The following KCNT1 variants were observed in gnomAD, a reference collection of about 807,000 sequenced individuals.
KCNT1 encodes potassium sodium-activated channel subfamily T member 1, also known as potassium channel subfamily T member 1.
A neutral mutation model predicts 147.8 loss-of-function variants in KCNT1; 78 were observed. The observed-to-expected ratio is 0.53, with a 90% confidence interval of 0.44 to 0.64. The LOEUF (loss-of-function observed/expected upper bound fraction) is 0.64. KCNT1 is among the 30% of genes least tolerant of loss of function. KCNT1 has a pLI of 0.00. For synonymous variants in KCNT1, 867 were observed against 748.8 expected (o/e 1.16, Z -2.58); for missense variants, 1,419 against 1,750.3 (o/e 0.81, Z 3.38).
In KCNT1 at chr9:135,752,599, GGATGGATGGTTGGATGGATGGTGGAT is replaced by G. The variant is rs1368463275; in HGVS notation, c.435-1328_435-1303del. The G allele has an allele frequency of 5.4e-5, 19 of 352,772 alleles. No homozygotes were observed. The highest frequency in any genetic ancestry group is 1.0e-3 in the Middle Eastern group (1 of 996). 21.9% of individuals were successfully genotyped at this position (352,772 alleles called of 1,614,324 possible). A position where few individuals can be genotyped will look rare whatever the true frequency, so the allele number is the denominator to read the frequency against. On this transcript the variant is annotated intron_variant, in intron 4 of 30. Transcript: ENST00000371757. The surrounding 1 kb of genome is among the most constrained non-coding windows in gnomAD (Gnocchi z 5.1). ...GGGGGTGGGAAGATGGGTGGATGAT[GGATGGATGGTTGGATGGATGGTGGAT>G]GATGGATGGATGGACGGACGGACGG...
rs543077299 is a variant in KCNT1 at position 135,747,902 on chromosome 9, C to G, written c.255-2196C>G. 1.2e-3 allele frequency among the ~76,000 whole-genome samples: 179 copies of G among 152,298 alleles called. 1 individual carries two copies. The highest frequency in any genetic ancestry group is 3.8e-3 in the Admixed American group (58 of 15,302). ...GGGCAAGGGCACCCAGAGCCACACG[C>G]CTCTTCCTGGACCCTGGACCCTTCT... is the stretch of plus-strand genomic sequence containing the variant. On this transcript the variant is annotated intron_variant, in intron 2 of 30. Coordinates refer to ENST00000371757, the MANE Select transcript of KCNT1 (RefSeq NM_020822.3).
chr9:135,779,348 G>A lies in KCNT1; in HGVS notation c.2730-11G>A, dbSNP rs777417479. On this transcript the variant is annotated splice_polypyrimidine_tract_variant and intron_variant, in intron 23 of 30. Coordinates refer to ENST00000371757, the MANE Select transcript of KCNT1 (RefSeq NM_020822.3). The stretch of plus-strand genomic sequence containing the variant: ...CCATGGGCCCCGCCCTGAGCCGCCT[G>A]CCTCCCCCAGGCTCTTCCCCAGCCT... 5.6e-6 allele frequency: 9 copies of A among 1,596,910 alleles called. No homozygotes were observed. The South Asian group carries it at 9.9e-5, about 18-fold the overall frequency.
chr9:135,761,451 G>T (rs1831906933), intron 11 of KCNT1, among the ~76,000 whole-genome samples: 2 of 152,324 alleles, frequency 1.3e-5, no homozygotes, highest in South Asian at 4.1e-4. Context: ...AGTGTGGGGG[G>T]CACTCCGTGC....
chr9:135,740,956 C>T (rs1006886436), intron 2 of KCNT1, among the ~76,000 whole-genome samples: 3 of 152,078 alleles, frequency 2.0e-5, no homozygotes, highest in Non-Finnish European at 2.9e-5. Context: ...TTTGTGCAGC[C>T]GACAGACCTT....
chr9:135,786,152 G>A lies in KCNT1; in HGVS notation c.3178-45G>A, dbSNP rs537384347. On this transcript the variant is annotated intron_variant, in intron 28 of 30. Transcript: ENST00000371757. Reference sequence around the variant, plus strand: ...CTGCCCCAAAGCCCGCGACCCTCCCGGCAGCCTCACCCCTCCCCGCCCTGC... The same window carrying A: ...CTGCCCCAAAGCCCGCGACCCTCCCAGCAGCCTCACCCCTCCCCGCCCTGC... 43 of 1,550,746 alleles carry A rather than the reference G, an allele frequency of 2.8e-5. No individual in the cohort carries two copies. In the East Asian group the frequency reaches 6.7e-4, roughly 24 times the overall value.
rs963933407 is a variant in KCNT1, at chr9:135,764,063, G to A, written c.1036-968G>A. On this transcript the variant is annotated intron_variant, in intron 11 of 30. Coordinates refer to ENST00000371757, the MANE Select transcript of KCNT1 (RefSeq NM_020822.3). ...GCCTCGTCACCGGAACAAAGCAGGCGCTGGATAAGTGCAATGCGATGGTCC... is the reference window on the plus strand; with the variant it reads ...GCCTCGTCACCGGAACAAAGCAGGCACTGGATAAGTGCAATGCGATGGTCC... Among the ~76,000 whole-genome samples the A allele has an allele frequency of 6.6e-5, 10 of 152,300 alleles. 1 individual carries two copies. The highest frequency in any genetic ancestry group is 2.4e-4 in the African/African-American group (10 of 41,564).
intron 29 of KCNT1, chr9:135,789,519 C>T (rs1217130045): frequency 6.6e-6 from 1 of 152,292 alleles, no homozygotes; most frequent in Non-Finnish European, 1.5e-5. Context: ...TCACGCCTTC[C>T]TCACAGCTGC....
At chr9:135,725,058 G>T (rs1323530603) in intron 2 of KCNT1, among the ~76,000 whole-genome samples, 1 of 152,212 alleles carries the variant, frequency 6.6e-6, no homozygotes, top group African/African-American at 2.4e-5. Flanking sequence ...TGCGTGGGGG[G>T]GCGTGTGGTG....
At position 135,770,338 on chromosome 9, in the gene KCNT1, G is replaced by C; in HGVS notation, c.1660G>C (p.Gly554Arg). ...TCCGGAGCAGTGGCAGCGCATGTAT[G>C]GGCGCTGCTCCGGCAACGAGGTGTA... ...ESPEQWQRMYGRCSGNEVYHI... is the reference protein window; with the variant it reads ...ESPEQWQRMYRRCSGNEVYHI... Residue 554 changes from glycine (G) to arginine (R), a missense_variant, in exon 17 of 31, where the codon GGG becomes CGG. By Grantham distance (125) the Gly-to-Arg change is moderately radical. Transcript: ENST00000371757. 1 of 1,612,112 alleles carries C rather than the reference G, an allele frequency of 6.2e-7. No individual in the cohort carries two copies. The highest frequency in any genetic ancestry group is 8.5e-7 in the Non-Finnish European group (1 of 1,179,286).
At chr9:135,777,598 C>T in intron 21 of KCNT1, 88 bp downstream of exon 21, 1 of 1,321,368 alleles carries the variant, frequency 7.6e-7, no homozygotes, top group African/African-American at 1.5e-5. Flanking sequence ...CACCCTTCGC[C>T]TTTGCAGAGG....
At chr9:135,718,193 C>T (rs1835792350) in intron 2 of KCNT1, among the ~76,000 whole-genome samples, 2 of 152,216 alleles carry the variant, frequency 1.3e-5, no homozygotes, top group African/African-American at 4.8e-5. Context: ...TGTGCCTTCC[C>T]CTTCCTGGAG....
chr9:135,712,635 G>A (rs1349243498), intron 1 of KCNT1, among the ~76,000 whole-genome samples: 1 of 152,188 alleles, frequency 6.6e-6, no homozygotes, highest in African/African-American at 2.4e-5. Context: ...GACACGGGGA[G>A]CAGCTGTTTT....
chr9:135,725,755 C>A (rs1380190349), intron 2 of KCNT1, among the ~76,000 whole-genome samples: 1 of 152,242 alleles, frequency 6.6e-6, no homozygotes, highest in Admixed American at 6.5e-5. Flanking sequence ...TTGGGACCCT[C>A]AGCCGGGTCC....
chr9:135,713,177 G>A (rs994412510), intron 1 of KCNT1, among the ~76,000 whole-genome samples: 1 of 152,220 alleles, frequency 6.6e-6, no homozygotes, highest in Non-Finnish European at 1.5e-5. Context: ...CAGTGAGGAA[G>A]GCACAAAATC....
At chr9:135,751,147 T>A in intron 4 of KCNT1, 106 bp downstream of exon 4, 3 of 1,012,334 alleles carry the variant, frequency 3.0e-6, no homozygotes, top group Non-Finnish European at 3.0e-6. Context: ...CCCCTGTGCC[T>A]GGGGCCTTGG....
chr9:135,706,178 C>T (rs1029170937), intron 1 of KCNT1, among the ~76,000 whole-genome samples: 1 of 152,280 alleles, frequency 6.6e-6, no homozygotes, highest in South Asian at 2.1e-4. Flanking sequence ...ATGGACCTTA[C>T]GAGGTTGTGT....
At chr9:135,768,965 G>T in intron 15 of KCNT1, 28 bp downstream of exon 15, 1 of 1,556,832 alleles carries the variant, frequency 6.4e-7, no homozygotes. Flanking sequence ...GTGGGTGATG[G>T]TGTATCTGGG....
intron 21 of KCNT1, among the ~76,000 whole-genome samples, chr9:135,778,001 TG>T (rs1232647168): frequency 1.3e-4 from 12 of 92,120 alleles, no homozygotes; most frequent in East Asian, 3.2e-4. Flanking sequence ...TCAGCTCCTG[TG>T]GCTCCCAGCT....
At chr9:135,779,067 TGAGACCCCCACAGCCATGGACTCTGCCCA>T (rs1389889487) in intron 23 of KCNT1, among the ~76,000 whole-genome samples, 2 of 73,874 alleles carry the variant, frequency 2.7e-5, no homozygotes, top group Non-Finnish European at 5.0e-5. Flanking sequence ...GACCACACCC[TGAGACCCCCACAGCCATGGACTCTGCCCA>T]GAGACCCCCA....
Sources: gnomAD v4.1 joint callset for allele counts (sites outside exome capture counted in the v4.1 genomes callset) on GRCh38, gnomAD v4.1.1 for gene constraint, Gnocchi (gnomAD v3.1) non-coding constraint, MANE v1.5 for transcripts, NCBI Gene and HGNC (gene_info 2026-07-23, HGNC 2026-07-21) for gene names.